MOB4: variants seen among roughly 807,000 people sequenced by gnomAD.
The protein encoded by MOB4 is MOB-like protein phocein.
A neutral mutation model predicts 32.2 loss-of-function variants in MOB4; 4 were observed. The ratio of observed to expected loss-of-function variants is 0.12; its 90% CI spans 0.06 to 0.28. The LOEUF (loss-of-function observed/expected upper bound fraction) is 0.28, where lower values mean the gene tolerates loss of function less well. MOB4 is among the 10% of genes least tolerant of loss of function. The pLI, the probability that MOB4 is intolerant of heterozygous loss-of-function variation, is 1.00. For synonymous variants in MOB4, 88 were observed against 88.1 expected (o/e 1.00, Z 0.01); for missense variants, 158 against 271.2 (o/e 0.58, Z 2.93).
intron 2 of MOB4, among the ~76,000 whole-genome samples, chr2:197,527,496 A>G (rs186573868): frequency 4.4e-4 from 67 of 152,326 alleles, no homozygotes; most frequent in Non-Finnish European, 6.6e-4. Context: ...CTTGTATTCT[A>G]CAACTTTGCT....
chr2:197,540,681 T>A (rs2086881555), intron 5 of MOB4, among the ~76,000 whole-genome samples: 2 of 152,244 alleles, frequency 1.3e-5, no homozygotes, highest in Non-Finnish European at 1.5e-5. Flanking sequence ...CTATTACGGA[T>A]TAACATCTGT....
intron 5 of MOB4, among the ~76,000 whole-genome samples, chr2:197,547,005 G>A (rs1390396091): frequency 1.3e-5 from 2 of 152,180 alleles, no homozygotes; most frequent in Non-Finnish European, 2.9e-5. Flanking sequence ...CAGCACTTTG[G>A]GAGGCTGAGA....
Position 197,540,454 on chromosome 2 carries a change from T to C in MOB4, c.354+17T>C. ...CCAAAAGAGGTGAGGATTTATGAAA[T>C]AGAGTAACTAATAAAATTATTATAG... On this transcript the variant is annotated intron_variant, in intron 5 of 7. Transcript: ENST00000323303. 3 of 1,552,962 alleles carry C rather than the reference T, an allele frequency of 1.9e-6. 1 individual carries two copies. The highest frequency in any genetic ancestry group is 2.6e-6 in the Non-Finnish European group (3 of 1,157,866).
chr2:197,540,517 A>G, intron 5 of MOB4, 80 bp downstream of exon 5: 1 of 1,330,330 alleles, frequency 7.5e-7, no homozygotes, highest in Non-Finnish European at 9.9e-7. Flanking sequence ...ACAAGTTTTT[A>G]GGGTTTTTAG....
chr2:197,517,775 G>A (rs765981898), intron 1 of MOB4, among the ~76,000 whole-genome samples: 18 of 152,246 alleles, frequency 1.2e-4, no homozygotes, highest in Middle Eastern at 3.4e-3. Context: ...TAGTGAAATG[G>A]ATCTGTTCTA....
At chr2:197,517,788 A>G (rs2086440798) in intron 1 of MOB4, among the ~76,000 whole-genome samples, 1 of 152,220 alleles carries the variant, frequency 6.6e-6, no homozygotes, top group Non-Finnish European at 1.5e-5. Context: ...CTGTTCTAAA[A>G]TGATATATTT....
chr2:197,518,120 A>C (rs2086447742), intron 1 of MOB4, among the ~76,000 whole-genome samples: 1 of 151,774 alleles, frequency 6.6e-6, no homozygotes, highest in Non-Finnish European at 1.5e-5. Context: ...CAGCCTGGGT[A>C]ACAAGAGCAA....
At chr2:197,526,377 C>T (rs939661269) in intron 2 of MOB4, among the ~76,000 whole-genome samples, 6 of 152,036 alleles carry the variant, frequency 3.9e-5, no homozygotes, top group Non-Finnish European at 5.9e-5. Flanking sequence ...AGTGCAGTGG[C>T]GTGACCTCAA....
chr2:197,545,443 G>T (rs953914227), intron 5 of MOB4, among the ~76,000 whole-genome samples: 1 of 151,854 alleles, frequency 6.6e-6, no homozygotes, highest in Non-Finnish European at 1.5e-5. Flanking sequence ...GTGTAGTTTT[G>T]ATCTGCAGTT....
chr2:197,517,169 T>C (rs1559311998), intron 1 of MOB4, among the ~76,000 whole-genome samples: 1 of 152,226 alleles, frequency 6.6e-6, no homozygotes, highest in Non-Finnish European at 1.5e-5. Context: ...AGATTCATGT[T>C]ACAGATAAGG....
chr2:197,516,664 C>T (rs2086419480), intron 1 of MOB4: 2 of 471,640 alleles, frequency 4.2e-6, no homozygotes, highest in South Asian at 3.1e-5. Context: ...TATTCTCCTC[C>T]TTGTTTCCCT....
intron 5 of MOB4, among the ~76,000 whole-genome samples, chr2:197,543,897 G>A (rs987173253): frequency 1.3e-5 from 2 of 151,874 alleles, no homozygotes; most frequent in African/African-American, 2.4e-5. Context: ...GTGCCACCTC[G>A]CCTGACTAAT....
At chr2:197,537,850 G>A (rs908795659) in intron 3 of MOB4, among the ~76,000 whole-genome samples, 5 of 152,046 alleles carry the variant, frequency 3.3e-5, no homozygotes, top group Admixed American at 6.6e-5. Context: ...TGTGATCTCG[G>A]CTCATTGCAA....
intron 1 of MOB4, among the ~76,000 whole-genome samples, chr2:197,520,214 G>T (rs1157045626): frequency 4.8e-5 from 7 of 144,778 alleles, no homozygotes; most frequent in Non-Finnish European, 1.5e-5. Flanking sequence ...ACAGAATCTC[G>T]CTCTGTCTCC....
At chr2:197,550,471 T>C (rs545612324) in intron 7 of MOB4, 44 bp from the exon 8 acceptor site, 14 of 1,581,112 alleles carry the variant, frequency 8.9e-6, no homozygotes, top group Non-Finnish European at 1.2e-5. Flanking sequence ...TCTTTTAGTT[T>C]GGGATAGTGA....
At chr2:197,529,488 A>G (rs938881174) in intron 2 of MOB4, among the ~76,000 whole-genome samples, 1 of 151,700 alleles carries the variant, frequency 6.6e-6, no homozygotes, top group East Asian at 1.9e-4. Context: ...AGTAGCTGGG[A>G]CTACAGGTGC....
intron 2 of MOB4, 60 bp from the exon 3 acceptor site, chr2:197,535,470 T>C: frequency 3.4e-6 from 5 of 1,486,514 alleles, no homozygotes; most frequent in Non-Finnish European, 4.5e-6. Context: ...TATATGTACT[T>C]AACATAAGAT....
rs992968192 is a variant in MOB4, at chr2:197,551,409, C to T, written c.*763C>T. ...CTACTTTAGCTGAGAAGCTTTTCACCAGACTGAGTTAGTGGTGGCTTATAC... is the reference window on the plus strand; with the variant it reads ...CTACTTTAGCTGAGAAGCTTTTCACTAGACTGAGTTAGTGGTGGCTTATAC... On this transcript the variant is annotated 3_prime_UTR_variant, in exon 8 of 8. Transcript: ENST00000323303. 11 of 152,800 alleles carry T rather than the reference C, an allele frequency of 7.2e-5. No homozygotes were observed. Among genetic ancestry groups the T allele is most frequent in the African/African-American group, 2.6e-4 (11 of 41,548 alleles). 9.5% of individuals were successfully genotyped at this position (152,800 alleles called of 1,614,324 possible).
At chr2:197,522,300 T>G (rs961514021) in intron 1 of MOB4, among the ~76,000 whole-genome samples, 1 of 151,754 alleles carries the variant, frequency 6.6e-6, no homozygotes, top group African/African-American at 2.4e-5. Context: ...CTTTCTATTT[T>G]TTTTGTACCC....
Sources: gnomAD v4.1 joint callset for allele counts (sites outside exome capture counted in the v4.1 genomes callset) on GRCh38, gnomAD v4.1.1 for gene constraint, MANE v1.5 for transcripts, NCBI Gene and HGNC (gene_info 2026-07-23, HGNC 2026-07-21) for gene names.